The following ACAD10 variants were observed in gnomAD, a reference collection of about 807,000 sequenced individuals.
ACAD10 encodes the protein ACAD-10.
A neutral mutation model predicts 116.8 loss-of-function variants in ACAD10; 112 were observed. That is an observed-to-expected ratio of 0.96 (90% confidence interval 0.82 to 1.12). ACAD10 has a LOEUF of 1.12. Among genes scored for constraint, ACAD10 ranks in the 50% most tolerant of loss-of-function variants. ACAD10 has a pLI of 0.00. For synonymous variants in ACAD10, 486 were observed against 510.6 expected (o/e 0.95, Z 0.65); for missense variants, 1,259 against 1,350.2 (o/e 0.93, Z 1.06).
At chr12:111,730,065 A>C in intron 10 of ACAD10, 109 bp downstream of exon 10, 2 of 1,425,024 alleles carry the variant, frequency 1.4e-6, no homozygotes, top group Non-Finnish European at 1.9e-6. Context: ...TCCTATTACA[A>C]AGCACCTGTC....
At chr12:111,718,602 C>G (rs911290666) in intron 7 of ACAD10, among the ~76,000 whole-genome samples, 2 of 152,088 alleles carry the variant, frequency 1.3e-5, no homozygotes, top group Non-Finnish European at 2.9e-5. Context: ...GTCTCAGCCT[C>G]CTGAGTAGCT....
intron 2 of ACAD10, among the ~76,000 whole-genome samples, chr12:111,696,409 C>T (rs561552486): frequency 2.0e-5 from 3 of 152,176 alleles, no homozygotes; most frequent in East Asian, 1.9e-4. Flanking sequence ...TTTTGAAATA[C>T]GTAATTGAAA....
intron 1 of ACAD10, chr12:111,688,002 A>C (rs1189135223): frequency 6.6e-6 from 1 of 151,884 alleles, no homozygotes; most frequent in Non-Finnish European, 1.5e-5. Context: ...AGTAGCTGGG[A>C]CTACAGGCAC....
chr12:111,702,118 C>G, intron 2 of ACAD10, 44 bp from the exon 3 acceptor site: 1 of 1,593,918 alleles, frequency 6.3e-7, no homozygotes, highest in Non-Finnish European at 8.6e-7. Context: ...TAAACCCCAG[C>G]ATGTATCAAT....
At chr12:111,723,048 G>A (rs1189465947) in intron 8 of ACAD10, among the ~76,000 whole-genome samples, 7 of 141,720 alleles carry the variant, frequency 4.9e-5, no homozygotes, top group African/African-American at 7.9e-5. Context: ...CGGACGGGGC[G>A]GCTGGCCGGG....
At chr12:111,748,193 C>T (rs1351793031) in intron 16 of ACAD10, 124 bp from the exon 17 acceptor site, 1 of 1,224,188 alleles carries the variant, frequency 8.2e-7, no homozygotes, top group African/African-American at 1.5e-5. Flanking sequence ...CATCTGATTA[C>T]ATGGAGCCTT....
intron 5 of ACAD10, chr12:111,710,327 A>G: frequency 2.2e-6 from 1 of 453,728 alleles, no homozygotes; most frequent in Non-Finnish European, 4.4e-6. Flanking sequence ...GGCTCAAGCG[A>G]TCTACCCACC....
Position 111,748,335 on chromosome 12 carries a change from G to T in ACAD10, c.2504G>T (p.Cys835Phe), listed in dbSNP as rs759081328. 5.6e-6 allele frequency: 9 copies of T among 1,613,994 alleles called. No individual in the cohort carries two copies. The Admixed American group carries it at 8.3e-5, about 15-fold the overall frequency. ...WWITGILDPRCQLCVFMGKTD... is the reference protein window; with the variant it reads ...WWITGILDPRFQLCVFMGKTD... ...CTGGCAGGCATCCTGGATCCTCGTTGCCAACTCTGTGTGTTTATGGGAAAA... is the reference window on the plus strand; with the variant it reads ...CTGGCAGGCATCCTGGATCCTCGTTTCCAACTCTGTGTGTTTATGGGAAAA... Residue 835 changes from cysteine (C) to phenylalanine (F), a missense_variant, in exon 17 of 21, where the codon TGC becomes TTC. Physicochemically the swap from Cys to Phe is radical, Grantham distance 205. Transcript: ENST00000313698.
chr12:111,717,821 A>G (rs1049752618), intron 7 of ACAD10, among the ~76,000 whole-genome samples: 2 of 151,954 alleles, frequency 1.3e-5, no homozygotes, highest in African/African-American at 4.8e-5. Flanking sequence ...AGTATTGGGG[A>G]TTACAGGCAT....
chr12:111,702,683 A>T (rs1888383150), intron 3 of ACAD10, among the ~76,000 whole-genome samples: 1 of 151,994 alleles, frequency 6.6e-6, no homozygotes, highest in Non-Finnish European at 1.5e-5. Context: ...GTGAGCTGAG[A>T]TCATGCCATT....
At position 111,756,676 on chromosome 12, in the gene ACAD10, G is replaced by A. The variant is rs570098664; in HGVS notation, c.*203G>A. On this transcript the variant is annotated 3_prime_UTR_variant, in exon 21 of 21. Coordinates refer to ENST00000313698, the MANE Select transcript of ACAD10 (RefSeq NM_025247.6). ...GAAGCCTGGAGTCTGTTTCAGGCCAGGAGGAGGGGATTTGCTGAGGGCCAA... is the reference window on the plus strand; with the variant it reads ...GAAGCCTGGAGTCTGTTTCAGGCCAAGAGGAGGGGATTTGCTGAGGGCCAA... 4.8e-5 allele frequency: 43 copies of A among 892,514 alleles called. 1 individual carries two copies. Among genetic ancestry groups the A allele is most frequent in the African/African-American group, 4.4e-4 (27 of 60,688 alleles). The allele number at this position is 892,514 out of a possible 1,614,324, so 55.3% of individuals were successfully genotyped here. A position where few individuals can be genotyped will look rare whatever the true frequency, so the allele number is the denominator to read the frequency against.
At chr12:111,743,626 C>T (rs1370267760) in intron 12 of ACAD10, among the ~76,000 whole-genome samples, 1 of 152,056 alleles carries the variant, frequency 6.6e-6, no homozygotes, top group African/African-American at 2.4e-5. Context: ...TGAGCCATTG[C>T]GCCTGGCCGA....
chr12:111,706,782 A>ATTTTTTTTT (rs36125603), intron 4 of ACAD10, among the ~76,000 whole-genome samples: 6 of 126,496 alleles, frequency 4.7e-5, no homozygotes, highest in African/African-American at 1.9e-4. Context: ...ATATATATAT[A>ATTTTTTTTT]TTTTTTTTTT....
chr12:111,727,681 A>T (rs1246979833), intron 8 of ACAD10, among the ~76,000 whole-genome samples: 2 of 152,176 alleles, frequency 1.3e-5, no homozygotes, highest in Non-Finnish European at 2.9e-5. Context: ...AGAGAAAAGC[A>T]TGCTGTCCAA....
In ACAD10 at chr12:111,744,965, C is replaced by T. The variant is rs768533016; in HGVS notation, c.2037C>T (p.Tyr679=). ...AGCACTTCATGGAGCAACGTGTGTA[C>T]CCTGCAGAGCCAGAGCTGCAGAGTC... is the stretch of plus-strand genomic sequence containing the variant. ...RLKHFMEQRV[Y]PAEPELQSHQ... is the part of the protein sequence containing the mutation. Residue 679 remains tyrosine (Y), a synonymous_variant, in exon 13 of 21, where the codon TAC becomes TAT. Transcript: ENST00000313698. 6.8e-6 allele frequency: 11 copies of T among 1,614,154 alleles called. No homozygotes were observed. Among genetic ancestry groups the T allele is most frequent in the Non-Finnish European group, 8.5e-6 (10 of 1,180,032 alleles).
chr12:111,747,651 A>C, intron 16 of ACAD10: 1 of 1,265,108 alleles, frequency 7.9e-7, no homozygotes, highest in South Asian at 1.8e-5. Flanking sequence ...GACCCCAGGA[A>C]TCTCTCCACT....
intron 7 of ACAD10, among the ~76,000 whole-genome samples, chr12:111,717,614 G>A (rs2135962397): frequency 6.6e-6 from 1 of 151,144 alleles, no homozygotes; most frequent in South Asian, 2.1e-4. Context: ...TGTCCAGGCT[G>A]GAGTACAGTG....
chr12:111,729,718 C>T, intron 9 of ACAD10, 88 bp from the exon 10 acceptor site: 2 of 1,507,052 alleles, frequency 1.3e-6, no homozygotes, highest in South Asian at 1.2e-5. Context: ...CAGAGCATGA[C>T]AAAGGGTTTC....
intron 12 of ACAD10, among the ~76,000 whole-genome samples, chr12:111,739,618 C>A (rs1456303685): frequency 6.6e-6 from 1 of 152,030 alleles, no homozygotes; most frequent in Admixed American, 6.6e-5. Flanking sequence ...ATTAGCCAGG[C>A]CTGGTGGCGG....
Sources: gnomAD v4.1 joint callset for allele counts (sites outside exome capture counted in the v4.1 genomes callset) on GRCh38, gnomAD v4.1.1 for gene constraint, MANE v1.5 for transcripts, NCBI Gene and HGNC (gene_info 2026-07-23, HGNC 2026-07-21) for gene names.